The following RAB38 variants were observed in gnomAD, a reference collection of about 807,000 sequenced individuals.
RAB38 encodes ras-related protein Rab-38.
In RAB38, 15 loss-of-function variants were observed where a neutral mutation model predicts 18.4. The ratio of observed to expected loss-of-function variants is 0.82; its 90% confidence interval spans 0.55 to 1.26. The LOEUF (loss-of-function observed/expected upper bound fraction) is 1.26, where lower values mean the gene tolerates loss of function less well. Ranked by LOEUF, RAB38 falls within the 50% of genes most tolerant of loss-of-function variation. The probability of loss-of-function intolerance (pLI) is 0.00; values close to 1 mark genes in which losing one functional copy is unlikely to be tolerated. For missense variants in RAB38, 294 were observed against 267.4 expected (o/e 1.10, Z -0.69); for synonymous variants, 101 against 104.4 (o/e 0.97, Z 0.20).
chr11:87,899,210 G>A, the RAB38 span, among the ~76,000 whole-genome samples: 111 of 151,710 alleles, frequency 7.3e-4, no homozygotes, highest in African/African-American at 1.8e-3. Flanking sequence ...GTGCAAAGAC[G>A]GAAGGTGTGG....
the RAB38 span, among the ~76,000 whole-genome samples, chr11:87,973,810 G>C: frequency 6.6e-6 from 1 of 151,842 alleles, no homozygotes; most frequent in Non-Finnish European, 1.5e-5. Context: ...GACCAATCCA[G>C]GTTAGAGTGA....
At chr11:88,163,928 T>C (rs1943216984) in intron 1 of RAB38, among the ~76,000 whole-genome samples, 1 of 151,958 alleles carries the variant, frequency 6.6e-6, no homozygotes, top group South Asian at 2.1e-4. Context: ...CATCTAGCAA[T>C]GTAAGGTGCA....
At chr11:88,033,596 A>C in the RAB38 span, among the ~76,000 whole-genome samples, 1 of 151,788 alleles carries the variant, frequency 6.6e-6, no homozygotes, top group African/African-American at 2.4e-5. Context: ...TAATCCACCA[A>C]TCTTAGTCAA....
the RAB38 span, among the ~76,000 whole-genome samples, chr11:87,840,918 A>G: frequency 2.4e-4 from 37 of 152,184 alleles, no homozygotes; most frequent in Admixed American, 2.4e-3. Flanking sequence ...GCTGTAGAGC[A>G]TAGTGATTAA....
intron 1 of RAB38, among the ~76,000 whole-genome samples, chr11:88,170,848 C>T (rs915796835): frequency 6.9e-6 from 1 of 144,860 alleles, no homozygotes; most frequent in African/African-American, 2.5e-5. Flanking sequence ...ATTTATTTTC[C>T]ACTATAGCAA....
At chr11:88,033,828 T>C in the RAB38 span, among the ~76,000 whole-genome samples, 1 of 149,152 alleles carries the variant, frequency 6.7e-6, no homozygotes, top group Non-Finnish European at 1.5e-5. Flanking sequence ...CCCGGGTTCA[T>C]GCCATTCTCT....
At chr11:87,938,623 T>G in the RAB38 span, among the ~76,000 whole-genome samples, 19 of 141,674 alleles carry the variant, frequency 1.3e-4, no homozygotes, top group Non-Finnish European at 2.0e-4. Flanking sequence ...TTTTCCGTTT[T>G]TTTTTTTTTG....
the RAB38 span, among the ~76,000 whole-genome samples, chr11:87,818,975 G>A: frequency 2.5e-4 from 38 of 152,008 alleles, no homozygotes; most frequent in Admixed American, 2.2e-3. Context: ...AAGAGCTAAA[G>A]GAAAAAATTA....
At chr11:87,858,676 C>T in the RAB38 span, among the ~76,000 whole-genome samples, 1,827 of 151,726 alleles carry the variant, frequency 0.012, 23 homozygotes, top group African/African-American at 0.029. Flanking sequence ...TTTGGGAAGA[C>T]GCATAGAATT....
chr11:88,004,255 T>C, the RAB38 span, among the ~76,000 whole-genome samples: 2 of 150,020 alleles, frequency 1.3e-5, no homozygotes, highest in Non-Finnish European at 3.0e-5. Context: ...AAACAGCAAA[T>C]TGATTACAGC....
At chr11:88,154,110 C>G (rs968198112) in intron 1 of RAB38, among the ~76,000 whole-genome samples, 4 of 152,146 alleles carry the variant, frequency 2.6e-5, no homozygotes, top group African/African-American at 9.7e-5. Flanking sequence ...CAAAGCATGC[C>G]AAGGGAAAGC....
chr11:88,102,370 C>T, the RAB38 span, among the ~76,000 whole-genome samples: 1 of 152,020 alleles, frequency 6.6e-6, no homozygotes, highest in Non-Finnish European at 1.5e-5. Context: ...GTGAGGCTTC[C>T]ACTTTGCAGT....
the RAB38 span, among the ~76,000 whole-genome samples, chr11:87,929,415 C>T: frequency 6.6e-6 from 1 of 151,730 alleles, no homozygotes; most frequent in African/African-American, 2.4e-5. Flanking sequence ...TTAAAGGTTT[C>T]ACCCTATTTC....
chr11:87,890,370 C>T, the RAB38 span, among the ~76,000 whole-genome samples: 3 of 151,886 alleles, frequency 2.0e-5, no homozygotes, highest in Non-Finnish European at 4.4e-5. Flanking sequence ...TGTCTTCCCT[C>T]CTCCCAGCAG....
chr11:87,917,349 AGGAGGT>A, the RAB38 span, among the ~76,000 whole-genome samples: 17 of 152,168 alleles, frequency 1.1e-4, no homozygotes, highest in South Asian at 2.7e-3. Context: ...AAAAACTGGG[AGGAGGT>A]GGAGAACAGG....
the RAB38 span, among the ~76,000 whole-genome samples, chr11:88,009,039 AC>A: frequency 7.9e-5 from 12 of 152,236 alleles, no homozygotes; most frequent in Admixed American, 5.2e-4. Context: ...AAATACAAAA[AC>A]AAAAACCCAG....
At position 88,160,944 on chromosome 11, in the gene RAB38, CTA is replaced by C. The variant is rs1402251606; in HGVS notation, c.203-10991_203-10990del. On this transcript the variant is annotated intron_variant, in intron 1 of 2. Coordinates refer to ENST00000243662, the MANE Select transcript of RAB38 (RefSeq NM_022337.3). ...TCAACATCATGCAATATACCTACGTCTATGTCATAAACCTGCATATGTATCCC... is the reference window on the plus strand; with the variant it reads ...TCAACATCATGCAATATACCTACGTCTGTCATAAACCTGCATATGTATCCC... Among the ~76,000 whole-genome samples the C allele has an allele frequency of 7.9e-5, 12 of 152,148 alleles. No individual in the cohort carries two copies. In the East Asian group the frequency reaches 1.5e-3, roughly 20 times the overall value.
intron 1 of RAB38, among the ~76,000 whole-genome samples, chr11:88,168,380 C>G (rs1943269116): frequency 6.6e-6 from 1 of 152,168 alleles, no homozygotes; most frequent in African/African-American, 2.4e-5. Flanking sequence ...TCAGCTAGGT[C>G]AGATTACTGA....
intron 1 of RAB38, among the ~76,000 whole-genome samples, chr11:88,171,850 A>G (rs370259754): frequency 6.6e-6 from 1 of 152,160 alleles, no homozygotes; most frequent in East Asian, 1.9e-4. Context: ...TTTTGTTTTC[A>G]TTTTCCCTAA....
Sources: gnomAD v4.1 joint callset for allele counts (sites outside exome capture counted in the v4.1 genomes callset) on GRCh38, gnomAD v4.1.1 for gene constraint, MANE v1.5 for transcripts, NCBI Gene and HGNC (gene_info 2026-07-23, HGNC 2026-07-21) for gene names.